Variants in PTPRN2 observed in about 807,000 individuals in gnomAD.
The protein encoded by PTPRN2 is protein tyrosine phosphatase receptor type N2.
In PTPRN2, 74 loss-of-function variants were observed where a neutral mutation model predicts 118.8. The ratio of observed to expected loss-of-function variants is 0.62; its 90% CI spans 0.52 to 0.76. PTPRN2 has a LOEUF of 0.76. Among genes scored for constraint, PTPRN2 ranks in the 30% least tolerant of loss-of-function variants. The pLI is 0.00. For synonymous variants in PTPRN2, 641 were observed against 608.0 expected (o/e 1.05, Z -0.80); for missense variants, 1,481 against 1,394.4 (o/e 1.06, Z -0.99).
At chr7:158,491,371 C>A (rs1453865780) in intron 1 of PTPRN2, among the ~76,000 whole-genome samples, 1 of 152,216 alleles carries the variant, frequency 6.6e-6, no homozygotes, top group Non-Finnish European at 1.5e-5. Context: ...CCATCGCCTG[C>A]CAGCAGTCAC....
At chr7:158,454,601 C>G (rs1308873441) in intron 2 of PTPRN2, among the ~76,000 whole-genome samples, 1 of 151,748 alleles carries the variant, frequency 6.6e-6, no homozygotes, top group Non-Finnish European at 1.5e-5. Context: ...AGAGGACAGA[C>G]AAGACACAAC....
intron 12 of PTPRN2, among the ~76,000 whole-genome samples, chr7:157,883,552 G>T (rs1284649249): frequency 6.7e-6 from 1 of 148,166 alleles, no homozygotes; most frequent in Non-Finnish European, 1.5e-5. Context: ...AAAACCGACT[G>T]TCAGAGAACA....
At chr7:158,548,732 C>T (rs918128114) in intron 1 of PTPRN2, among the ~76,000 whole-genome samples, 3 of 152,236 alleles carry the variant, frequency 2.0e-5, no homozygotes, top group South Asian at 2.1e-4. Flanking sequence ...CACACTCCCC[C>T]AGCATGACTC....
chr7:158,150,607 C>T (rs1044621957), intron 6 of PTPRN2, among the ~76,000 whole-genome samples: 1 of 152,114 alleles, frequency 6.6e-6, no homozygotes, highest in Non-Finnish European at 1.5e-5. Flanking sequence ...GACCTTTTCT[C>T]CTTAAGATCT....
chr7:158,489,631 G>T, intron 2 of PTPRN2, 104 bp downstream of exon 2: 1 of 1,220,738 alleles, frequency 8.2e-7, no homozygotes, highest in Non-Finnish European at 1.1e-6. Context: ...CGCCCCGGGC[G>T]GCCCCAGCTC....
At chr7:158,484,105 C>A (rs933545861) in intron 2 of PTPRN2, among the ~76,000 whole-genome samples, 1 of 152,226 alleles carries the variant, frequency 6.6e-6, no homozygotes, top group Non-Finnish European at 1.5e-5. Flanking sequence ...GATTGCACCA[C>A]TGCACGCCAA....
chr7:157,808,909 C>T lies in PTPRN2; in HGVS notation c.1788+89764G>A, dbSNP rs1805799923. 2.0e-5 allele frequency among the ~76,000 whole-genome samples: 3 copies of T among 152,246 alleles called. No homozygotes were observed. The South Asian group carries it at 6.2e-4, about 32-fold the overall frequency. On this transcript the variant is annotated intron_variant, in intron 12 of 22. Transcript: ENST00000389418. The surrounding 1 kb of genome is among the most constrained non-coding windows in gnomAD (Gnocchi z 5.0). ...CATTTCACATGGTCAGTCCCTGCAG[C>T]ACCTCCCGAAGTGTGGTGTGTCACT...
chr7:158,157,526 A>G (rs1194315729), intron 6 of PTPRN2, among the ~76,000 whole-genome samples: 1 of 152,194 alleles, frequency 6.6e-6, no homozygotes, highest in East Asian at 1.9e-4. Context: ...ACTAGTGCAG[A>G]AGTCGGGGAG....
At chr7:158,023,074 C>T (rs1807018978) in intron 11 of PTPRN2, among the ~76,000 whole-genome samples, 1 of 152,208 alleles carries the variant, frequency 6.6e-6, no homozygotes, top group Admixed American at 6.5e-5. Context: ...AGAACGGTGG[C>T]TGTTTTCTTG....
intron 16 of PTPRN2, among the ~76,000 whole-genome samples, 160 bp from the exon 17 acceptor site, chr7:157,595,475 GCCA>G (rs1801249457): frequency 6.7e-6 from 1 of 148,958 alleles, no homozygotes; most frequent in Non-Finnish European, 1.5e-5. Flanking sequence ...GGGTTAGGAA[GCCA>G]GGAGGTTAGG....
chr7:158,557,111 A>G (rs377183815), intron 1 of PTPRN2, among the ~76,000 whole-genome samples: 676 of 126,690 alleles, frequency 5.3e-3, no homozygotes, highest in African/African-American at 0.019. Context: ...GCTCCTGGGC[A>G]GGTCGCTCCC....
At chr7:158,466,622 A>G (rs1377639360) in intron 2 of PTPRN2, among the ~76,000 whole-genome samples, 1 of 152,224 alleles carries the variant, frequency 6.6e-6, no homozygotes, top group Non-Finnish European at 1.5e-5. Flanking sequence ...TAGTGCTGCA[A>G]TGAGCATCAG....
intron 6 of PTPRN2, among the ~76,000 whole-genome samples, chr7:158,145,522 T>G (rs1819860758): frequency 6.6e-6 from 1 of 152,138 alleles, no homozygotes; most frequent in Admixed American, 6.5e-5. Flanking sequence ...AAACTGAGGC[T>G]CCATGGTGGA....
At chr7:158,414,332 G>C (rs1197401879) in intron 2 of PTPRN2, among the ~76,000 whole-genome samples, 6 of 152,178 alleles carry the variant, frequency 3.9e-5, no homozygotes, top group Non-Finnish European at 8.8e-5. Context: ...TTAAAGAGCA[G>C]AATTAACGGG....
chr7:158,481,727 G>A (rs1180949052), intron 2 of PTPRN2, among the ~76,000 whole-genome samples: 1 of 152,234 alleles, frequency 6.6e-6, no homozygotes, highest in East Asian at 1.9e-4. Context: ...CTCCCAAAGT[G>A]CTGGGATTAC....
chr7:158,150,417 C>A (rs969706871), intron 6 of PTPRN2, among the ~76,000 whole-genome samples: 2 of 152,174 alleles, frequency 1.3e-5, no homozygotes, highest in Non-Finnish European at 2.9e-5. Context: ...CCCTCAGCAG[C>A]TCGAAAAGTG....
chr7:157,772,432 G>C lies in PTPRN2; in HGVS notation c.1789-89495C>G, dbSNP rs543432163. Among the ~76,000 whole-genome samples the C allele has an allele frequency of 1.6e-4, 24 of 152,278 alleles. 1 individual carries two copies. In the South Asian group the frequency reaches 5.0e-3, roughly 32 times the overall value. On this transcript the variant is annotated intron_variant, in intron 12 of 22. Coordinates refer to ENST00000389418, the MANE Select transcript of PTPRN2 (RefSeq NM_002847.5). ...ACATAGACACAAACACAGTTTGTGA[G>C]AGCCCTGGCCCGCAGACCATGGTGG...
intron 2 of PTPRN2, among the ~76,000 whole-genome samples, chr7:158,409,074 A>AT (rs905990251): frequency 2.6e-5 from 4 of 151,908 alleles, no homozygotes; most frequent in African/African-American, 9.7e-5. Flanking sequence ...CAATCATATC[A>AT]TTTTCGTAAC....
At chr7:158,364,208 C>T (rs1379726424) in intron 2 of PTPRN2, among the ~76,000 whole-genome samples, 1 of 148,884 alleles carries the variant, frequency 6.7e-6, no homozygotes, top group Non-Finnish European at 1.5e-5. Flanking sequence ...GCAGAACCCC[C>T]ATCCTCACTT....
Sources: allele counts gnomAD v4.1 joint callset (sites outside exome capture counted in the v4.1 genomes callset), GRCh38; gene constraint gnomAD v4.1.1; non-coding constraint Gnocchi (gnomAD v3.1); transcripts MANE v1.5; gene names NCBI Gene and HGNC (gene_info 2026-07-23, HGNC 2026-07-21).